Variants in SUGCT observed in about 807,000 individuals in gnomAD.
SUGCT encodes the protein succinyl-CoA:glutarate CoA-transferase.
A neutral mutation model predicts 55.0 loss-of-function variants in SUGCT; 41 were observed. The observed-to-expected ratio is 0.74, with a 90% CI of 0.58 to 0.97. The LOEUF (loss-of-function observed/expected upper bound fraction) is 0.97. Ranked by LOEUF, SUGCT falls within the 50% of genes least tolerant of loss-of-function variation. SUGCT has a pLI of 0.00. For missense variants in SUGCT, 568 were observed against 547.8 expected, an observed-to-expected ratio of 1.04 and a Z score of -0.37; for synonymous variants, 187 against 200.4, an observed-to-expected ratio of 0.93 and a Z score of 0.56.
chr7:40,752,079 ACATAAGCATTTGTTTATC>A (rs1162681121), intron 13 of SUGCT, among the ~76,000 whole-genome samples: 2 of 152,200 alleles, frequency 1.3e-5, no homozygotes, highest in East Asian at 3.8e-4. Context: ...TGGTTTTCAA[ACATAAGCATTTGTTTATC>A]CCATGCATGT....
chr7:40,621,993 C>T (rs1799286705), intron 12 of SUGCT, among the ~76,000 whole-genome samples: 1 of 152,176 alleles, frequency 6.6e-6, no homozygotes, highest in Non-Finnish European at 1.5e-5. Context: ...TTAACAGCAT[C>T]GTTAGGCAGC....
Position 40,176,644 on chromosome 7 carries a change from T to C in SUGCT, c.101-4303T>C, listed in dbSNP as rs11981952. ...CTGATTATAATGTTATTGATTATTT[T>C]GTTTTTTTTTTAAGGCACTATCGGT... On this transcript the variant is annotated intron_variant, in intron 1 of 13. Transcript: ENST00000335693. Among the ~76,000 whole-genome samples the C allele has an allele frequency of 5.3e-4, 80 of 152,070 alleles. 1 individual carries two copies. The highest frequency in any genetic ancestry group is 1.9e-3 in the African/African-American group (78 of 41,464).
At chr7:41,038,414 A>G in the SUGCT span, among the ~76,000 whole-genome samples, 1 of 152,330 alleles carries the variant, frequency 6.6e-6, no homozygotes, top group South Asian at 2.1e-4. Flanking sequence ...GGAGGCTCCC[A>G]TCTCTGTCCA....
chr7:40,135,263 T>A, intron 1 of SUGCT, 143 bp downstream of exon 1: 1 of 1,093,514 alleles, frequency 9.1e-7, no homozygotes, highest in Non-Finnish European at 1.2e-6. Context: ...GCAACCCCGT[T>A]CCGTGGGCCT....
intron 12 of SUGCT, among the ~76,000 whole-genome samples, chr7:40,644,617 C>T (rs1800415700): frequency 6.6e-6 from 1 of 152,200 alleles, no homozygotes; most frequent in Non-Finnish European, 1.5e-5. Context: ...GCACTCTCTG[C>T]TCAGGGATGC....
rs557690613 is a variant in SUGCT, at chr7:40,552,742, C to G, written c.1089+56356C>G. On this transcript the variant is annotated intron_variant, in intron 12 of 13. Coordinates refer to ENST00000335693, the MANE Select transcript of SUGCT (RefSeq NM_001193313.2). ...ATGTTTTAAGTGTAGCCTTTCTTGC[C>G]CAGCCCCTTCCAGCCCCCCATCCCC... Among the ~76,000 whole-genome samples, 204 of 151,992 alleles carry G rather than the reference C, an allele frequency of 1.3e-3. 2 individuals are homozygous for G. The highest frequency in any genetic ancestry group is 2.5e-3 in the Non-Finnish European group (168 of 67,998).
the SUGCT span, among the ~76,000 whole-genome samples, chr7:40,884,954 G>C: frequency 1.3e-5 from 2 of 152,146 alleles, no homozygotes; most frequent in Non-Finnish European, 2.9e-5. Context: ...CTGCCACTTA[G>C]AAGTATGCCT....
intron 7 of SUGCT, among the ~76,000 whole-genome samples, chr7:40,242,934 T>TATATATA (rs1491495282): frequency 5.5e-5 from 1 of 18,036 alleles, no homozygotes; most frequent in South Asian, 3.8e-3. Flanking sequence ...TATATATATA[T>TATATATA]TTTTTTTTTT....
intron 9 of SUGCT, among the ~76,000 whole-genome samples, chr7:40,437,129 A>C (rs1788221918): frequency 6.6e-6 from 1 of 152,184 alleles, no homozygotes; most frequent in Non-Finnish European, 1.5e-5. Context: ...CTTTCTTCAC[A>C]CAAAGTTTTC....
intron 9 of SUGCT, among the ~76,000 whole-genome samples, chr7:40,449,080 T>A (rs1184052755): frequency 6.6e-6 from 1 of 152,098 alleles, no homozygotes; most frequent in Non-Finnish European, 1.5e-5. Context: ...CTATTGACTG[T>A]TTGACATTTA....
chr7:40,243,344 G>A (rs986009032), intron 7 of SUGCT, among the ~76,000 whole-genome samples: 1 of 151,924 alleles, frequency 6.6e-6, no homozygotes, highest in Non-Finnish European at 1.5e-5. Context: ...GTGTAATGTT[G>A]TATTAGGTAC....
chr7:40,478,480 T>C (rs566474993), intron 11 of SUGCT, among the ~76,000 whole-genome samples: 1 of 152,340 alleles, frequency 6.6e-6, no homozygotes, highest in South Asian at 2.1e-4. Context: ...TGTAAGGTCA[T>C]GATGGAGACA....
At chr7:40,151,165 G>A (rs1040409294) in intron 1 of SUGCT, among the ~76,000 whole-genome samples, 3 of 152,276 alleles carry the variant, frequency 2.0e-5, no homozygotes, top group East Asian at 3.9e-4. Flanking sequence ...GCTTGAACCC[G>A]GGAGGCGGAG....
intron 13 of SUGCT, among the ~76,000 whole-genome samples, chr7:40,843,318 C>T (rs1021877973): frequency 1.3e-5 from 2 of 151,658 alleles, no homozygotes; most frequent in Admixed American, 6.6e-5. Context: ...GAGACCATCC[C>T]GGCCAACATG....
intron 9 of SUGCT, among the ~76,000 whole-genome samples, chr7:40,432,578 C>T (rs1273990517): frequency 4.7e-5 from 7 of 150,310 alleles, no homozygotes; most frequent in East Asian, 1.9e-4. Flanking sequence ...CCCAGCTACT[C>T]GGGAGGCTGA....
At chr7:40,189,664 A>G (rs1785777401) in intron 5 of SUGCT, 70 bp downstream of exon 5, 2 of 847,988 alleles carry the variant, frequency 2.4e-6, no homozygotes, top group Non-Finnish European at 3.4e-6. Flanking sequence ...TCAGAGCAAA[A>G]GTGTTTTAAA....
Position 40,283,413 on chromosome 7 carries a change from G to T in SUGCT, c.720+8757G>T, listed in dbSNP as rs141457430. Among the ~76,000 whole-genome samples the T allele has an allele frequency of 9.9e-5, 15 of 152,032 alleles. No individual in the cohort carries two copies. The East Asian group carries it at 2.9e-3, about 29-fold the overall frequency. On this transcript the variant is annotated intron_variant, in intron 8 of 13. Coordinates refer to ENST00000335693, the MANE Select transcript of SUGCT (RefSeq NM_001193313.2). ...CCAGCTAATTTTTGTATTTTTGGTAGCGACGGGGTTCCACCATGTTGACCA... is the reference window on the plus strand; with the variant it reads ...CCAGCTAATTTTTGTATTTTTGGTATCGACGGGGTTCCACCATGTTGACCA...
rs774843411 is a variant in SUGCT at position 40,449,312 on chromosome 7, T to C, written c.842T>C (p.Ile281Thr). ...YQAFKTKDGY[I>T]VVGAGNNQQF... is the part of the protein sequence containing the mutation. ...GCTTTTAAAACCAAGGATGGCTATATTGTAGTTGGAGCAGGAAATAACCAG... is the reference window on the plus strand; with the variant it reads ...GCTTTTAAAACCAAGGATGGCTATACTGTAGTTGGAGCAGGAAATAACCAG... Residue 281 changes from isoleucine (I) to threonine (T), a missense_variant, in exon 10 of 14, where the codon ATT becomes ACT. Physicochemically the swap from Ile to Thr is moderately conservative, Grantham distance 89. Coordinates refer to ENST00000335693, the MANE Select transcript of SUGCT (RefSeq NM_001193313.2). The C allele has an allele frequency of 6.2e-7, 1 of 1,612,138 alleles. No individual in the cohort carries two copies. Among genetic ancestry groups the C allele is most frequent in the Non-Finnish European group, 8.5e-7 (1 of 1,178,682 alleles).
At chr7:40,385,823 G>A (rs961986570) in intron 9 of SUGCT, among the ~76,000 whole-genome samples, 14 of 152,092 alleles carry the variant, frequency 9.2e-5, no homozygotes, top group Non-Finnish European at 5.9e-5. Flanking sequence ...TTAAGGTGAC[G>A]TGTGGACGTT....
Sources: gnomAD v4.1 joint callset for allele counts (sites outside exome capture counted in the v4.1 genomes callset) on GRCh38, gnomAD v4.1.1 for gene constraint, MANE v1.5 for transcripts, NCBI Gene and HGNC (gene_info 2026-07-23, HGNC 2026-07-21) for gene names.